Variants in EXTL3 observed in about 807,000 individuals in gnomAD.
EXTL3 encodes exostosin-like 3.
Under a neutral mutation model 69.3 loss-of-function variants are expected in EXTL3, and 27 were observed. The ratio of observed to expected loss-of-function variants is 0.39; its 90% CI spans 0.29 to 0.54. The LOEUF is 0.54. Among genes scored for constraint, EXTL3 ranks in the 20% least tolerant of loss-of-function variants. EXTL3 has a pLI of 0.69. For synonymous variants in EXTL3, 511 were observed against 499.4 expected (o/e 1.02, Z -0.31); for missense variants, 1,003 against 1,231.8 (o/e 0.81, Z 2.78).
upstream of EXTL3, chr8:28,696,654 G>C (rs1383246861): frequency 1.3e-5 from 2 of 152,060 alleles, no homozygotes. Flanking sequence ...TGGCCTCCCA[G>C]GTTCAAGCGA....
intron 2 of EXTL3, among the ~76,000 whole-genome samples, chr8:28,615,482 G>C (rs752842602): frequency 6.6e-6 from 1 of 152,154 alleles, no homozygotes; most frequent in Non-Finnish European, 1.5e-5. Flanking sequence ...GAATTGACCC[G>C]TTTGTCGTTA....
chr8:28,723,640 G>GTTTTTTTTTTT (rs34831917), intron 3 of EXTL3, among the ~76,000 whole-genome samples: 1 of 120,930 alleles, frequency 8.3e-6, no homozygotes, highest in Non-Finnish European at 1.7e-5. Context: ...GCTCAGGACT[G>GTTTTTTTTTTT]TTTTTTTTTT....
chr8:28,661,228 G>A (rs1807109874), intron 1 of EXTL3, among the ~76,000 whole-genome samples: 1 of 151,894 alleles, frequency 6.6e-6, no homozygotes, highest in South Asian at 2.1e-4. Flanking sequence ...ATACAATAAA[G>A]TCTACCAATT....
chr8:28,686,628 G>C (rs1436569117), intron 1 of EXTL3, among the ~76,000 whole-genome samples: 1 of 152,142 alleles, frequency 6.6e-6, no homozygotes, highest in African/African-American at 2.4e-5. Flanking sequence ...CAGGAAAAAA[G>C]AAAACGTTGA....
At chr8:28,697,616 C>A (rs931570897), upstream of EXTL3, 3 of 152,168 alleles carry the variant, frequency 2.0e-5, no homozygotes, top group African/African-American at 7.2e-5. Flanking sequence ...GGGCAGATTG[C>A]CTGACCTCAG....
At chr8:28,701,948 G>C (rs1175507823) in intron 1 of EXTL3, among the ~76,000 whole-genome samples, 1 of 149,546 alleles carries the variant, frequency 6.7e-6, no homozygotes, top group African/African-American at 2.5e-5. Context: ...GCCCCCACAC[G>C]CCCTCTCTCG....
chr8:28,640,372 A>T (rs1806723326), intron 1 of EXTL3, among the ~76,000 whole-genome samples: 1 of 152,190 alleles, frequency 6.6e-6, no homozygotes, highest in Non-Finnish European at 1.5e-5. Context: ...GTTCCCCCTT[A>T]ACAAACGGTA....
chr8:28,661,725 CA>C (rs1005666014), intron 1 of EXTL3, among the ~76,000 whole-genome samples: 50 of 147,034 alleles, frequency 3.4e-4, no homozygotes, highest in Non-Finnish European at 6.0e-4. Context: ...ACTAAAAATA[CA>C]AAAAAAAAAT....
At chr8:28,629,318 C>G (rs1224667260) in intron 1 of EXTL3, among the ~76,000 whole-genome samples, 1 of 152,186 alleles carries the variant, frequency 6.6e-6, no homozygotes, top group Non-Finnish European at 1.5e-5. Flanking sequence ...ATAGGACTAC[C>G]ATGGCTGAAG....
intron 1 of EXTL3, among the ~76,000 whole-genome samples, chr8:28,635,860 TTGA>T (rs1217391999): frequency 1.3e-5 from 2 of 152,130 alleles, no homozygotes; most frequent in African/African-American, 2.4e-5. Context: ...AACAACTTTG[TTGA>T]TGATAAAATA....
At chr8:28,619,315 A>C (rs111752359), upstream of EXTL3, among the ~76,000 whole-genome samples, 15,110 of 126,382 alleles carry the variant, frequency 0.12, 2,859 homozygotes, top group African/African-American at 0.42. Context: ...AAAAAAAAAA[A>C]CCCTGTGTGA....
chr8:28,717,041 T>G lies in EXTL3; in HGVS notation c.982T>G (p.Phe328Val). 1 of 1,614,192 alleles carries G rather than the reference T, an allele frequency of 6.2e-7. No individual in the cohort carries two copies. The highest frequency in any genetic ancestry group is 8.5e-7 in the Non-Finnish European group (1 of 1,180,026). ...GGTCCATGCCATGTCTGAGCCCAAC[T>G]TCATGGAAATCCCACCACAGGTGCC... ...PLVHAMSEPNFMEIPPQVPVK... is the reference protein window; with the variant it reads ...PLVHAMSEPNVMEIPPQVPVK... The change falls in exon 3 of 7, where the codon TTC (phenylalanine) becomes GTC (valine). Residue 328 changes from phenylalanine to valine, a missense_variant. By Grantham distance (50) the Phe-to-Val change is conservative. Around this residue, in one of 2 missense-constraint regions of EXTL3, gnomAD observed 742 missense variants for 815.4 expected, o/e 0.91. Transcript: ENST00000220562. This position sits in a 1 kb window ranked among gnomAD's most constrained non-coding sequence, Gnocchi z 8.3.
intron 3 of EXTL3, among the ~76,000 whole-genome samples, chr8:28,724,809 A>AATG (rs1242734250): frequency 1.3e-5 from 2 of 151,982 alleles, no homozygotes; most frequent in Non-Finnish European, 2.9e-5. Context: ...CAATAATAAT[A>AATG]ATGATGATGA....
chr8:28,692,421 G>A (rs957534490), intron 1 of EXTL3, among the ~76,000 whole-genome samples: 3 of 152,112 alleles, frequency 2.0e-5, no homozygotes, highest in Non-Finnish European at 4.4e-5. Flanking sequence ...AATTAATTTT[G>A]AGTAATATTT....
rs568445992 is a variant in EXTL3, at chr8:28,716,446, C to T, written c.387C>T (p.Leu129=). 6 of 1,613,798 alleles carry T rather than the reference C, an allele frequency of 3.7e-6. No homozygotes were observed. In the African/African-American group the frequency reaches 4.0e-5, roughly 11 times the overall value. Residue 129 remains leucine (L), a synonymous_variant, in exon 3 of 7, where the codon CTC becomes CTT. Coordinates refer to ENST00000220562, the MANE Select transcript of EXTL3 (RefSeq NM_001440.4). The surrounding 1 kb of genome is among the most constrained non-coding windows in gnomAD (Gnocchi z 7.1). ...TTGAGAACGCCAAGCAGGACCTGCT[C>T]CAGCTCAAGAATGTCATCAGCCAGA... ...KSIENAKQDL[L]QLKNVISQTE... is the part of the protein sequence containing the mutation.
chr8:28,729,596 A>C (rs955164977), intron 3 of EXTL3, among the ~76,000 whole-genome samples: 4 of 47,262 alleles, frequency 8.5e-5, no homozygotes, highest in Middle Eastern at 9.8e-3. Flanking sequence ...ACTCCATCTC[A>C]AAAAAAAAAA....
chr8:28,724,797 C>A (rs1369958782), intron 3 of EXTL3, among the ~76,000 whole-genome samples: 1 of 152,074 alleles, frequency 6.6e-6, no homozygotes, highest in Non-Finnish European at 1.5e-5. Flanking sequence ...AAGACTCCAT[C>A]TCAATAATAA....
Position 28,743,135 on chromosome 8 carries a change from T to C in EXTL3, c.2471T>C (p.Met824Thr), listed in dbSNP as rs756004373. The C allele has an allele frequency of 1.2e-6, 2 of 1,614,220 alleles. No individual in the cohort carries two copies. Among genetic ancestry groups the C allele is most frequent in the Non-Finnish European group, 1.7e-6 (2 of 1,180,026 alleles). Reference protein sequence around the residue: ...SYVMPQAIRDMVDEYINCEDI... With the variant: ...SYVMPQAIRDTVDEYINCEDI... Reference sequence around the variant, plus strand: ...GTGATGCCCCAGGCCATCCGGGACATGGTGGATGAATACATCAACTGTGAG... The same window carrying C: ...GTGATGCCCCAGGCCATCCGGGACACGGTGGATGAATACATCAACTGTGAG... The change falls in exon 6 of 7, where the codon ATG becomes ACG. Residue 824 changes from methionine to threonine, a missense_variant. Around this residue, in one of 2 missense-constraint regions of EXTL3, gnomAD observed 261 missense variants for 416.4 expected, o/e 0.63. Transcript: ENST00000220562.
rs57559635 is a variant in EXTL3 at position 28,746,185 on chromosome 8, G to A, written c.2550+2971G>A. Among the ~76,000 whole-genome samples the A allele has an allele frequency of 2.6e-3, 392 of 152,266 alleles. 1 individual carries two copies. Among genetic ancestry groups the A allele is most frequent in the African/African-American group, 9.3e-3 (386 of 41,558 alleles). Reference sequence around the variant, plus strand: ...TTCCTTGTTTGAGTTAGGGAGGTTTGACTGCTTCGTATGATTGGCAGTGTT... The same window carrying A: ...TTCCTTGTTTGAGTTAGGGAGGTTTAACTGCTTCGTATGATTGGCAGTGTT... On this transcript the variant is annotated intron_variant, in intron 6 of 6. Transcript: ENST00000220562.
Sources: allele counts gnomAD v4.1 joint callset (sites outside exome capture counted in the v4.1 genomes callset), GRCh38; gene constraint gnomAD v4.1.1; regional missense constraint gnomAD v4.1.1; non-coding constraint Gnocchi (gnomAD v3.1); transcripts MANE v1.5; gene names NCBI Gene and HGNC (gene_info 2026-07-23, HGNC 2026-07-21).